Variants in PCNX2 observed in about 807,000 individuals in gnomAD.
PCNX2 encodes the protein pecanex-like protein 2.
PCNX2 carries 168 observed loss-of-function variants against 223.8 expected under a neutral mutation model. The ratio of observed to expected loss-of-function variants is 0.75; its 90% CI spans 0.66 to 0.85. The LOEUF (loss-of-function observed/expected upper bound fraction) is 0.85, where lower values mean the gene tolerates loss of function less well. PCNX2 is among the 40% of genes least tolerant of loss of function. The pLI is 0.00. For missense variants in PCNX2, 2,507 were observed against 2,675.5 expected, an observed-to-expected ratio of 0.94 and a Z score of 1.39; for synonymous variants, 1,006 against 1,052.6, an observed-to-expected ratio of 0.96 and a Z score of 0.86.
intron 15 of PCNX2, among the ~76,000 whole-genome samples, chr1:233,190,094 G>C (rs1393141759): frequency 6.6e-6 from 1 of 152,042 alleles, no homozygotes; most frequent in Non-Finnish European, 1.5e-5. Flanking sequence ...TAAAAATTAA[G>C]GAAATAAACA....
intron 28 of PCNX2, among the ~76,000 whole-genome samples, chr1:233,004,509 C>T (rs958784150): frequency 6.6e-6 from 1 of 151,882 alleles, no homozygotes; most frequent in African/African-American, 2.4e-5. Context: ...TCTATCACGG[C>T]CACCTCTTAC....
At chr1:233,073,971 T>C (rs1327067129) in intron 23 of PCNX2, among the ~76,000 whole-genome samples, 1 of 152,198 alleles carries the variant, frequency 6.6e-6, no homozygotes, top group East Asian at 1.9e-4. Flanking sequence ...CTCTGAGAAC[T>C]GCTTTTCCTA....
At chr1:233,041,874 A>G (rs1033312939) in intron 25 of PCNX2, among the ~76,000 whole-genome samples, 1 of 152,236 alleles carries the variant, frequency 6.6e-6, no homozygotes, top group African/African-American at 2.4e-5. Flanking sequence ...ACAACCACAG[A>G]TTGCCCACAT....
Position 233,258,907 on chromosome 1 carries a change from C to T in PCNX2, c.955G>A (p.Val319Met), listed in dbSNP as rs377165602. 3.5e-5 allele frequency: 56 copies of T among 1,613,896 alleles called. No homozygotes were observed. The highest frequency in any genetic ancestry group is 2.6e-4 in the South Asian group (24 of 91,078). ...SSSCPQCDTI[V>M]AKPVEEPADT... ...GCTGGCTCCTCCACAGGCTTGGCCA[C>T]GATGGTGTCACATTGAGGGCAGCTG... The change falls in exon 5 of 34, where the codon GTG becomes ATG. Residue 319 changes from valine (V) to methionine (M), a missense_variant. Physicochemically the swap from Val to Met is conservative, Grantham distance 21 (BLOSUM62 1). Transcript: ENST00000258229.
intron 17 of PCNX2, among the ~76,000 whole-genome samples, chr1:233,170,013 G>A (rs759856663): frequency 9.9e-5 from 15 of 152,054 alleles, no homozygotes; most frequent in Non-Finnish European, 1.6e-4. Flanking sequence ...AACATTACGT[G>A]GTTAAGATTC....
rs1188326808 is a variant in PCNX2 at position 233,285,025 on chromosome 1, A to G, written c.153+10301T>C. On this transcript the variant is annotated intron_variant, in intron 1 of 33. Coordinates refer to ENST00000258229, the MANE Select transcript of PCNX2 (RefSeq NM_014801.4). Reference sequence around the variant, plus strand: ...GGACCCCCTGCTAACCATACCCCTGACATCCCAATGGACCATGTTGGACAT... The same window carrying G: ...GGACCCCCTGCTAACCATACCCCTGGCATCCCAATGGACCATGTTGGACAT... 6 of 985,170 alleles carry G rather than the reference A, an allele frequency of 6.1e-6. No individual in the cohort carries two copies. In the South Asian group the frequency reaches 2.8e-4, roughly 46 times the overall value. The allele number at this position is 985,170 out of a possible 1,614,324, so 61.0% of individuals were successfully genotyped here.
chr1:233,118,221 G>T (rs1675540144), intron 21 of PCNX2, among the ~76,000 whole-genome samples: 1 of 151,986 alleles, frequency 6.6e-6, no homozygotes, highest in African/African-American at 2.4e-5. Flanking sequence ...AATAGGAATA[G>T]AAGGGGAACT....
At chr1:233,030,501 T>C (rs987218701) in intron 25 of PCNX2, among the ~76,000 whole-genome samples, 13 of 152,242 alleles carry the variant, frequency 8.5e-5, no homozygotes, top group Admixed American at 8.5e-4. Context: ...ATTGATATTA[T>C]AGTCCTGGCA....
In PCNX2 at chr1:233,295,214, T is replaced by C. The variant is rs553870702; in HGVS notation, c.153+112A>G. On this transcript the variant is annotated intron_variant, in intron 1 of 33. Transcript: ENST00000258229. This position sits in a 1 kb window ranked among gnomAD's most constrained non-coding sequence, Gnocchi z 4.1. ...CTGAAGCCCCTCCCTTTCCGTCTCT[T>C]AAGAATCTCTACGAACCCGAAAGCC... 1.7e-4 allele frequency: 242 copies of C among 1,454,166 alleles called. 1 individual carries two copies. The African/African-American group carries it at 3.0e-3, about 18-fold the overall frequency. 90.1% of individuals were successfully genotyped at this position (1,454,166 alleles called of 1,614,324 possible).
chr1:233,262,934 T>A (rs1317132087), intron 2 of PCNX2, 24 bp downstream of exon 2: 2 of 1,600,668 alleles, frequency 1.2e-6, no homozygotes, highest in African/African-American at 1.3e-5. Flanking sequence ...CATTTTGAAG[T>A]GTCACATTAA....
intron 28 of PCNX2, among the ~76,000 whole-genome samples, chr1:233,008,370 G>C (rs916887002): frequency 1.3e-5 from 2 of 152,224 alleles, no homozygotes; most frequent in Non-Finnish European, 2.9e-5. Flanking sequence ...TGGACCTACA[G>C]GGTTGGAGGG....
chr1:232,995,884 C>T (rs1208449258), intron 32 of PCNX2, among the ~76,000 whole-genome samples: 1 of 152,052 alleles, frequency 6.6e-6, no homozygotes, highest in African/African-American at 2.4e-5. Context: ...TTTCTTCCCC[C>T]TCCTCTCCCC....
At chr1:233,146,729 A>AT (rs1677472135) in intron 19 of PCNX2, among the ~76,000 whole-genome samples, 1 of 152,236 alleles carries the variant, frequency 6.6e-6, no homozygotes, top group African/African-American at 2.4e-5. Flanking sequence ...AAACATATGA[A>AT]TTAAAGGAAA....
intron 21 of PCNX2, among the ~76,000 whole-genome samples, chr1:233,114,466 A>C (rs1015960485): frequency 6.6e-6 from 1 of 152,140 alleles, no homozygotes; most frequent in Admixed American, 6.5e-5. Context: ...TTTGCCTTTT[A>C]CTCTGTATGA....
At chr1:233,312,474 A>G in the PCNX2 span, among the ~76,000 whole-genome samples, 1 of 152,224 alleles carries the variant, frequency 6.6e-6, no homozygotes, top group Non-Finnish European at 1.5e-5. Context: ...TTACAAAACT[A>G]TAATTTCAAG....
intron 21 of PCNX2, among the ~76,000 whole-genome samples, chr1:233,102,482 T>C (rs1558233012): frequency 6.6e-6 from 1 of 152,190 alleles, no homozygotes; most frequent in African/African-American, 2.4e-5. Context: ...ACTGTATTCA[T>C]TCACTTTCCC....
the PCNX2 span, among the ~76,000 whole-genome samples, chr1:233,310,667 T>C: frequency 0.011 from 1,601 of 152,298 alleles, 28 homozygotes; most frequent in African/African-American, 0.036. Flanking sequence ...TCTGTCCCTG[T>C]GTATTGCTGT....
chr1:233,111,440 G>C (rs751785818), intron 21 of PCNX2, among the ~76,000 whole-genome samples: 1 of 152,128 alleles, frequency 6.6e-6, no homozygotes, highest in Non-Finnish European at 1.5e-5. Flanking sequence ...ACAGAGTCTT[G>C]CTCTGTTGTC....
At chr1:233,238,273 G>A (rs1168581899) in intron 8 of PCNX2, among the ~76,000 whole-genome samples, 1 of 151,948 alleles carries the variant, frequency 6.6e-6, no homozygotes, top group East Asian at 1.9e-4. Context: ...ATTCCCTTCT[G>A]ATTTATAATC....
Sources: allele counts gnomAD v4.1 joint callset (sites outside exome capture counted in the v4.1 genomes callset), GRCh38; gene constraint gnomAD v4.1.1; non-coding constraint Gnocchi (gnomAD v3.1); transcripts MANE v1.5; gene names NCBI Gene and HGNC (gene_info 2026-07-23, HGNC 2026-07-21).